AFG3L2: variants seen among roughly 807,000 people sequenced by gnomAD.
AFG3L2 encodes the protein mitochondrial inner membrane m-AAA protease component AFG3L2.
A neutral mutation model predicts 94.5 loss-of-function variants in AFG3L2; 54 were observed. The observed-to-expected ratio is 0.57, with a 90% CI of 0.46 to 0.72. The LOEUF is 0.72. Among genes scored for constraint, AFG3L2 ranks in the 30% least tolerant of loss-of-function variants. The probability of loss-of-function intolerance (pLI) is 0.00; values close to 1 mark genes in which losing one functional copy is unlikely to be tolerated. For missense variants in AFG3L2, 754 were observed against 994.9 expected (o/e 0.76, Z 3.26); for synonymous variants, 377 against 365.5 (o/e 1.03, Z -0.36).
At chr18:12,374,316 C>A (rs764174462) in intron 1 of AFG3L2, among the ~76,000 whole-genome samples, 12 of 152,348 alleles carry the variant, frequency 7.9e-5, no homozygotes, top group Non-Finnish European at 7.3e-5. Flanking sequence ...TGTTTGACAA[C>A]AGGAGCACTT....
intron 9 of AFG3L2, 74 bp from the exon 10 acceptor site, chr18:12,353,232 C>T (rs901566135): frequency 1.8e-5 from 29 of 1,573,538 alleles, no homozygotes; most frequent in Middle Eastern, 1.7e-4. Flanking sequence ...TGAAATAAAT[C>T]GGCCGGGCAC....
intron 16 of AFG3L2, among the ~76,000 whole-genome samples, chr18:12,333,111 AT>A (rs1290438126): frequency 3.4e-5 from 3 of 87,424 alleles, no homozygotes; most frequent in Non-Finnish European, 6.7e-5. Flanking sequence ...TTATATAACT[AT>A]TATATAATAG....
chr18:12,333,011 AAATAT>A (rs1907604418), intron 16 of AFG3L2, among the ~76,000 whole-genome samples: 1 of 108,126 alleles, frequency 9.2e-6, no homozygotes, highest in South Asian at 2.6e-4. Context: ...ATATAATATA[AAATAT>A]ATTAATAATA....
intron 13 of AFG3L2, among the ~76,000 whole-genome samples, chr18:12,344,880 G>C (rs761951853): frequency 6.6e-6 from 1 of 152,070 alleles, no homozygotes. Flanking sequence ...AAATAGAAAT[G>C]TAAAATAAAA....
chr18:12,354,138 C>A (rs369232976), intron 9 of AFG3L2, among the ~76,000 whole-genome samples: 5,088 of 134,600 alleles, frequency 0.038, 86 homozygotes, highest in Non-Finnish European at 0.057. Context: ...TCCCACCCCC[C>A]CCCCCCCACT....
intron 6 of AFG3L2, chr18:12,360,254 AG>A (rs1908619356): frequency 1.8e-6 from 1 of 569,358 alleles, no homozygotes; most frequent in Non-Finnish European, 3.0e-6. Flanking sequence ...TTGGCAAATA[AG>A]CATTTCTTTA....
chr18:12,371,719 T>C lies in AFG3L2; in HGVS notation c.115-28A>G, dbSNP rs78608717. The C allele has an allele frequency of 1.6e-5, 25 of 1,585,934 alleles. No individual in the cohort carries two copies. In the African/African-American group the frequency reaches 3.0e-4, roughly 19 times the overall value. ...GCAACAAGACATAAAAATAAAACCATAGTTATATCAAGATAAAAAACTTAA... is the reference window on the plus strand; with the variant it reads ...GCAACAAGACATAAAAATAAAACCACAGTTATATCAAGATAAAAAACTTAA... On this transcript the variant is annotated intron_variant, in intron 1 of 16. Transcript: ENST00000269143.
At chr18:12,331,547 A>G (rs111743721) in intron 16 of AFG3L2, among the ~76,000 whole-genome samples, 94 of 152,310 alleles carry the variant, frequency 6.2e-4, no homozygotes, top group African/African-American at 2.1e-3. Context: ...TCACGCCTGT[A>G]ATCCCAGCAC....
intron 1 of AFG3L2, among the ~76,000 whole-genome samples, chr18:12,376,532 T>G (rs1436619185): frequency 6.6e-6 from 1 of 152,202 alleles, no homozygotes; most frequent in African/African-American, 2.4e-5. Context: ...ATGGCCCCAT[T>G]CAACAGACGG....
intron 13 of AFG3L2, among the ~76,000 whole-genome samples, chr18:12,345,125 C>T (rs916774921): frequency 5.9e-5 from 9 of 152,190 alleles, no homozygotes; most frequent in Admixed American, 2.6e-4. Flanking sequence ...CTGATGCTGG[C>T]GCACCCTCAC....
rs1432033598 is a variant in AFG3L2, at chr18:12,377,006, C to T, written c.77G>A (p.Gly26Asp). The change falls in exon 1 of 17, where the codon GGC (glycine) becomes GAC (aspartate). Residue 26 changes from glycine to aspartate, a missense_variant. By Grantham distance (94) the Gly-to-Asp change is moderately conservative. Coordinates refer to ENST00000269143, the MANE Select transcript of AFG3L2 (RefSeq NM_006796.3). ...PRGLQQLLVP[G>D]GVGPGEQPCL... ...GGGCTGCTCGCCCGGGCCCACGCCG[C>T]CAGGCACGAGGAGCTGCTGTAGGCC... is the stretch of plus-strand genomic sequence containing the variant. 1 of 1,461,498 alleles carries T rather than the reference C, an allele frequency of 6.8e-7. No individual in the cohort carries two copies. Among genetic ancestry groups the T allele is most frequent in the South Asian group, 1.3e-5 (1 of 76,376 alleles). 90.5% of individuals were successfully genotyped at this position (1,461,498 alleles called of 1,614,324 possible).
intron 15 of AFG3L2, 54 bp downstream of exon 15, chr18:12,340,147 T>G (rs1907900695): frequency 6.6e-7 from 1 of 1,509,142 alleles, no homozygotes; most frequent in Admixed American, 1.7e-5. Context: ...GAATGTCAAT[T>G]TCTCGTGCAA....
intron 12 of AFG3L2, among the ~76,000 whole-genome samples, chr18:12,349,661 T>C (rs1261597122): frequency 6.8e-6 from 1 of 148,112 alleles, no homozygotes. Flanking sequence ...GACCACATGT[T>C]TTTATTTTTA....
At chr18:12,332,966 TA>T (rs2143089800) in intron 16 of AFG3L2, among the ~76,000 whole-genome samples, 1 of 24,724 alleles carries the variant, frequency 4.0e-5, no homozygotes, top group Admixed American at 4.8e-4. Flanking sequence ...TACTATAATA[TA>T]TTATATATTA....
intron 9 of AFG3L2, among the ~76,000 whole-genome samples, chr18:12,354,142 C>CCA (rs1908416792): frequency 7.2e-6 from 1 of 139,570 alleles, no homozygotes; most frequent in African/African-American, 2.8e-5. Flanking sequence ...ACCCCCCCCC[C>CCA]CCCACTTCAC....
chr18:12,340,124 A>G, intron 15 of AFG3L2, 77 bp downstream of exon 15: 3 of 1,318,888 alleles, frequency 2.3e-6, no homozygotes, highest in Non-Finnish European at 3.3e-6. Context: ...ATATTGTTTC[A>G]GAGCCATTCA....
chr18:12,335,091 C>T (rs1454502909), intron 16 of AFG3L2, among the ~76,000 whole-genome samples: 1 of 152,032 alleles, frequency 6.6e-6, no homozygotes, highest in African/African-American at 2.4e-5. Context: ...CCCCAGGTGG[C>T]CTCCCTCACT....
chr18:12,339,848 C>CAA (rs55881327), intron 15 of AFG3L2, among the ~76,000 whole-genome samples: 49 of 79,222 alleles, frequency 6.2e-4, no homozygotes, highest in African/African-American at 1.9e-3. Context: ...GGCTCAGTCT[C>CAA]AAAAAAAAAA....
chr18:12,365,885 T>TC (rs1276999043), intron 5 of AFG3L2, among the ~76,000 whole-genome samples: 1 of 148,098 alleles, frequency 6.8e-6, no homozygotes, highest in East Asian at 2.0e-4. Context: ...TTTTTTTTTT[T>TC]TTTTTTTGAG....
Sources: gnomAD v4.1 joint callset for allele counts (sites outside exome capture counted in the v4.1 genomes callset) on GRCh38, gnomAD v4.1.1 for gene constraint, MANE v1.5 for transcripts, NCBI Gene and HGNC (gene_info 2026-07-23, HGNC 2026-07-21) for gene names.